The following ADAMTSL1 variants were observed in gnomAD, a reference collection of about 807,000 sequenced individuals.
ADAMTSL1 encodes ADAMTS-like protein 1.
Under a neutral mutation model 201.8 loss-of-function variants are expected in ADAMTSL1, and 126 were observed. The observed-to-expected ratio is 0.62, with a 90% confidence interval of 0.54 to 0.72. ADAMTSL1 has a LOEUF of 0.72. Ranked by LOEUF, ADAMTSL1 falls within the 30% of genes least tolerant of loss-of-function variation. The probability of loss-of-function intolerance (pLI) is 0.00; values close to 1 mark genes in which losing one functional copy is unlikely to be tolerated. For missense variants in ADAMTSL1, 2,679 were observed against 2,277.8 expected (o/e 1.18, Z -3.59); for synonymous variants, 1,121 against 903.4 (o/e 1.24, Z -4.32).
chr9:18,483,978 G>A (rs1309314181), intron 1 of ADAMTSL1, among the ~76,000 whole-genome samples: 2 of 152,144 alleles, frequency 1.3e-5, no homozygotes, highest in Non-Finnish European at 2.9e-5. Flanking sequence ...CATTTATCTT[G>A]TTTCCCTATT....
intron 15 of ADAMTSL1, among the ~76,000 whole-genome samples, chr9:18,745,468 C>T (rs1819086625): frequency 6.6e-6 from 1 of 152,178 alleles, no homozygotes; most frequent in East Asian, 1.9e-4. Flanking sequence ...TCTGGTACAA[C>T]ATACTATTTC....
intron 2 of ADAMTSL1, among the ~76,000 whole-genome samples, chr9:18,345,454 C>T (rs576061004): frequency 2.0e-5 from 3 of 152,056 alleles, no homozygotes; most frequent in African/African-American, 4.8e-5. Context: ...AATAACTCTT[C>T]GAGAATGATG....
intron 20 of ADAMTSL1, among the ~76,000 whole-genome samples, chr9:18,811,812 C>G (rs1563821501): frequency 6.6e-6 from 1 of 152,114 alleles, no homozygotes; most frequent in Non-Finnish European, 1.5e-5. Flanking sequence ...CAAAGAAATA[C>G]AACTTGTCCC....
At chr9:18,254,761 T>C (rs1831617585) in intron 2 of ADAMTSL1, among the ~76,000 whole-genome samples, 1 of 149,608 alleles carries the variant, frequency 6.7e-6, no homozygotes, top group African/African-American at 2.5e-5. Flanking sequence ...ATTTTTAAAA[T>C]TAAGAACAGT....
At position 18,226,677 on chromosome 9, in the gene ADAMTSL1, TA is replaced by T. The variant is rs368480310; in HGVS notation, c.207+62698del. On this transcript the variant is annotated intron_variant, in intron 2 of 29. Transcript: ENST00000680146. Reference sequence around the variant, plus strand: ...GTTTGAGGCTCTCCCCATTCAGCCTTAACTGGTCTTTTCAGATTTGTTCCCT... The same window carrying T: ...GTTTGAGGCTCTCCCCATTCAGCCTTACTGGTCTTTTCAGATTTGTTCCCT... 1.1e-3 allele frequency among the ~76,000 whole-genome samples: 172 copies of T among 152,294 alleles called. 1 individual carries two copies. In the South Asian group the frequency reaches 0.034, roughly 30 times the overall value.
intron 2 of ADAMTSL1, among the ~76,000 whole-genome samples, chr9:18,214,512 A>C (rs893817592): frequency 2.0e-5 from 3 of 152,204 alleles, no homozygotes; most frequent in Non-Finnish European, 2.9e-5. Flanking sequence ...TGGCGATGCC[A>C]ACTAAATGTT....
intron 2 of ADAMTSL1, among the ~76,000 whole-genome samples, chr9:18,458,094 T>C (rs1820675006): frequency 6.6e-6 from 1 of 152,214 alleles, no homozygotes; most frequent in Admixed American, 6.5e-5. Flanking sequence ...CCCTACTCCT[T>C]TTTTTGCAAT....
chr9:18,760,218 A>T (rs1381946999), intron 16 of ADAMTSL1, among the ~76,000 whole-genome samples: 1 of 152,102 alleles, frequency 6.6e-6, no homozygotes, highest in Non-Finnish European at 1.5e-5. Flanking sequence ...ACGCTTTGTC[A>T]ACATCTATAC....
intron 2 of ADAMTSL1, among the ~76,000 whole-genome samples, chr9:18,432,432 C>T (rs1285502580): frequency 6.6e-6 from 1 of 152,134 alleles, no homozygotes; most frequent in African/African-American, 2.4e-5. Context: ...TAGCAAATAA[C>T]CAAAAATTAT....
chr9:18,207,466 C>T (rs1490290460), intron 2 of ADAMTSL1, among the ~76,000 whole-genome samples: 1 of 152,130 alleles, frequency 6.6e-6, no homozygotes, highest in South Asian at 2.1e-4. Context: ...ACTGGCTAAT[C>T]AATGGTGCTT....
chr9:18,044,984 A>G (rs537531873), intron 1 of ADAMTSL1, among the ~76,000 whole-genome samples: 1 of 152,152 alleles, frequency 6.6e-6, no homozygotes, highest in East Asian at 1.9e-4. Context: ...TTGATTTTAA[A>G]TGTAAACCAG....
At chr9:18,140,904 T>C (rs1338048300) in intron 1 of ADAMTSL1, among the ~76,000 whole-genome samples, 4 of 152,154 alleles carry the variant, frequency 2.6e-5, no homozygotes, top group Non-Finnish European at 5.9e-5. Flanking sequence ...TGGAAAACAA[T>C]GAGAGGGAGG....
chr9:18,307,186 T>C (rs1833943712), intron 2 of ADAMTSL1, among the ~76,000 whole-genome samples: 1 of 152,088 alleles, frequency 6.6e-6, no homozygotes, highest in Admixed American at 6.5e-5. Flanking sequence ...CAAAAGCTCC[T>C]GAAGGAAGCT....
chr9:18,599,760 C>T (rs966914975), intron 4 of ADAMTSL1, among the ~76,000 whole-genome samples: 1 of 151,074 alleles, frequency 6.6e-6, no homozygotes, highest in South Asian at 2.1e-4. Context: ...GAATTAGTTG[C>T]CAGTATTTGA....
intron 23 of ADAMTSL1, among the ~76,000 whole-genome samples, chr9:18,885,250 A>T (rs1828779232): frequency 6.6e-6 from 1 of 152,186 alleles, no homozygotes; most frequent in Admixed American, 6.5e-5. Context: ...GCACAAAGAG[A>T]CAAATAAGGG....
At chr9:18,404,415 A>G (rs76993866) in intron 2 of ADAMTSL1, among the ~76,000 whole-genome samples, 3,673 of 152,276 alleles carry the variant, frequency 0.024, 132 homozygotes, top group African/African-American at 0.082. Flanking sequence ...CAAAGAATGC[A>G]GGTTTTACGC....
chr9:18,843,225 G>T (rs1167748734), intron 23 of ADAMTSL1, among the ~76,000 whole-genome samples: 1 of 150,648 alleles, frequency 6.6e-6, no homozygotes, highest in Non-Finnish European at 1.5e-5. Context: ...TTTAGGGCAG[G>T]CCTGGTGGTG....
At chr9:18,642,667 A>T in intron 7 of ADAMTSL1, among the ~76,000 whole-genome samples, 1 of 151,980 alleles carries the variant, frequency 6.6e-6, no homozygotes, top group East Asian at 1.9e-4. Context: ...CAGAAGTATT[A>T]TTAATATCAC....
At chr9:18,302,409 G>A (rs1347564648) in intron 2 of ADAMTSL1, among the ~76,000 whole-genome samples, 1 of 152,178 alleles carries the variant, frequency 6.6e-6, no homozygotes, top group East Asian at 1.9e-4. Flanking sequence ...GCAAAAAAAA[G>A]TTGAGTGCTG....
Sources: allele counts gnomAD v4.1 joint callset (sites outside exome capture counted in the v4.1 genomes callset), GRCh38; gene constraint gnomAD v4.1.1; transcripts MANE v1.5; gene names NCBI Gene and HGNC (gene_info 2026-07-23, HGNC 2026-07-21).